PDZRN4: variants seen among roughly 807,000 people sequenced by gnomAD.
PDZRN4 encodes PDZ domain-containing RING finger protein 4.
Under a neutral mutation model 99.0 loss-of-function variants are expected in PDZRN4, and 70 were observed. The observed-to-expected ratio is 0.71, with a 90% CI of 0.58 to 0.86. PDZRN4 has a LOEUF of 0.86. Among genes scored for constraint, PDZRN4 ranks in the 40% least tolerant of loss-of-function variants. The probability of loss-of-function intolerance (pLI) is 0.00; values close to 1 mark genes in which losing one functional copy is unlikely to be tolerated. For missense variants in PDZRN4, 1,474 were observed against 1,331.2 expected, an observed-to-expected ratio of 1.11 and a Z score of -1.67; for synonymous variants, 551 against 501.6, an observed-to-expected ratio of 1.10 and a Z score of -1.32.
chr12:41,421,322 C>G (rs1238977180), intron 3 of PDZRN4, among the ~76,000 whole-genome samples: 1 of 152,078 alleles, frequency 6.6e-6, no homozygotes, highest in African/African-American at 2.4e-5. Flanking sequence ...CCTCAACTTC[C>G]TGAGTAGCCG....
chr12:41,472,642 T>C (rs563927810), intron 3 of PDZRN4, among the ~76,000 whole-genome samples: 11 of 152,346 alleles, frequency 7.2e-5, no homozygotes, highest in African/African-American at 2.6e-4. Context: ...CATCCCTTTT[T>C]ACCATGATTG....
intron 3 of PDZRN4, among the ~76,000 whole-genome samples, chr12:41,226,991 T>C (rs1176625515): frequency 1.3e-5 from 2 of 152,214 alleles, no homozygotes; most frequent in Non-Finnish European, 2.9e-5. Flanking sequence ...AGTTGCAGGA[T>C]ATCCCAAATT....
At chr12:41,429,611 G>A (rs1434238913) in intron 3 of PDZRN4, among the ~76,000 whole-genome samples, 2 of 152,058 alleles carry the variant, frequency 1.3e-5, no homozygotes, top group Non-Finnish European at 2.9e-5. Context: ...AGTAGTAGAT[G>A]CAGATTGTTT....
At chr12:41,463,111 A>C (rs1952888261) in intron 3 of PDZRN4, among the ~76,000 whole-genome samples, 1 of 152,214 alleles carries the variant, frequency 6.6e-6, no homozygotes, top group Non-Finnish European at 1.5e-5. Context: ...AAAATCACCA[A>C]ATCAGTTGTG....
chr12:41,496,678 G>T (rs1433530458), intron 3 of PDZRN4, among the ~76,000 whole-genome samples: 1 of 152,168 alleles, frequency 6.6e-6, no homozygotes, highest in Non-Finnish European at 1.5e-5. Flanking sequence ...ACAGAATGGA[G>T]CTGGGAAGTG....
intron 3 of PDZRN4, among the ~76,000 whole-genome samples, chr12:41,356,216 C>A (rs1285969730): frequency 2.6e-5 from 4 of 151,488 alleles, no homozygotes; most frequent in African/African-American, 9.7e-5. Flanking sequence ...TAAACTGCAC[C>A]CAATTGAAGA....
chr12:41,573,059 T>C lies in PDZRN4; in HGVS notation c.2280T>C (p.Leu760=), dbSNP rs756912853. 1 of 1,614,054 alleles carries C rather than the reference T, an allele frequency of 6.2e-7. No homozygotes were observed. Among genetic ancestry groups the C allele is most frequent in the South Asian group, 1.1e-5 (1 of 91,076 alleles). The change falls in exon 10 of 10, where the codon CTT becomes CTC. Residue 760 remains leucine, a synonymous_variant. Coordinates refer to ENST00000402685, the MANE Select transcript of PDZRN4 (RefSeq NM_001164595.2). ...LTVDRSPDSS[L]PRVINLTNKK... is the part of the protein sequence containing the mutation. ...TAGACCGTTCCCCTGACAGTTCCCT[T>C]CCAAGGGTGATCAACCTCACCAATA...
intron 8 of PDZRN4, among the ~76,000 whole-genome samples, chr12:41,567,481 G>A (rs944207957): frequency 6.6e-6 from 1 of 151,998 alleles, no homozygotes; most frequent in Non-Finnish European, 1.5e-5. Flanking sequence ...TGACAGCTGT[G>A]GATTATGCAG....
At chr12:41,203,963 T>G (rs1950832673) in intron 3 of PDZRN4, among the ~76,000 whole-genome samples, 1 of 152,052 alleles carries the variant, frequency 6.6e-6, no homozygotes, top group South Asian at 2.1e-4. Context: ...GGTATATACC[T>G]AACTTGAAAA....
intron 3 of PDZRN4, among the ~76,000 whole-genome samples, chr12:41,269,639 C>G (rs137871872): frequency 6.6e-6 from 1 of 152,176 alleles, no homozygotes; most frequent in African/African-American, 2.4e-5. Context: ...CCAGGCCTGG[C>G]GTCAGTTTCT....
At chr12:41,392,480 G>C (rs1487298443) in intron 3 of PDZRN4, among the ~76,000 whole-genome samples, 2 of 152,102 alleles carry the variant, frequency 1.3e-5, no homozygotes, top group Non-Finnish European at 2.9e-5. Flanking sequence ...GCTTGCCAAT[G>C]GTTCACAACT....
intron 3 of PDZRN4, among the ~76,000 whole-genome samples, chr12:41,391,849 A>T (rs1040935403): frequency 6.6e-6 from 1 of 152,176 alleles, no homozygotes; most frequent in Non-Finnish European, 1.5e-5. Flanking sequence ...TTCTAATTGA[A>T]TAAGTGTCAT....
intron 3 of PDZRN4, among the ~76,000 whole-genome samples, chr12:41,366,046 C>A (rs935828877): frequency 1.2e-4 from 18 of 152,104 alleles, no homozygotes; most frequent in African/African-American, 4.1e-4. Flanking sequence ...CTCTGAGCAG[C>A]TGCTCCCACC....
intron 3 of PDZRN4, among the ~76,000 whole-genome samples, chr12:41,295,202 T>G (rs1951483826): frequency 6.6e-6 from 1 of 152,082 alleles, no homozygotes; most frequent in African/African-American, 2.4e-5. Flanking sequence ...TCACCCTTTG[T>G]GAAGAAGTCA....
intron 3 of PDZRN4, among the ~76,000 whole-genome samples, chr12:41,457,572 T>G (rs1952826728): frequency 2.6e-5 from 4 of 152,174 alleles, no homozygotes; most frequent in Admixed American, 1.3e-4. Flanking sequence ...CAGAATAAAA[T>G]GAGGGATTAT....
At chr12:41,452,018 G>C (rs564763398) in intron 3 of PDZRN4, among the ~76,000 whole-genome samples, 1 of 152,098 alleles carries the variant, frequency 6.6e-6, no homozygotes, top group African/African-American at 2.4e-5. Context: ...TTACTAATTT[G>C]AGATGTAGAA....
rs142989987 is a variant in PDZRN4 at position 41,476,743 on chromosome 12, C to T, written c.844-29713C>T. Among the ~76,000 whole-genome samples the T allele has an allele frequency of 1.9e-3, 283 of 152,352 alleles. 1 individual carries two copies. Among genetic ancestry groups the T allele is most frequent in the Admixed American group, 2.9e-3 (45 of 15,306 alleles). ...TTGACAAGCCTGAGCACCTAACGTC[C>T]TCAAACCACCTGATAATGATGGTGG... On this transcript the variant is annotated intron_variant, in intron 3 of 9. Coordinates refer to ENST00000402685, the MANE Select transcript of PDZRN4 (RefSeq NM_001164595.2).
chr12:41,410,793 C>A (rs1372983946), intron 3 of PDZRN4, among the ~76,000 whole-genome samples: 1 of 152,138 alleles, frequency 6.6e-6, no homozygotes, highest in African/African-American at 2.4e-5. Flanking sequence ...AATGCCTTTT[C>A]TCACCGTTGG....
At chr12:41,431,119 C>G (rs763405737) in intron 3 of PDZRN4, among the ~76,000 whole-genome samples, 3 of 152,168 alleles carry the variant, frequency 2.0e-5, no homozygotes, top group Non-Finnish European at 4.4e-5. Flanking sequence ...TACAATTTGA[C>G]ATGAGATTTG....
Sources: gnomAD v4.1 joint callset for allele counts (sites outside exome capture counted in the v4.1 genomes callset) on GRCh38, gnomAD v4.1.1 for gene constraint, MANE v1.5 for transcripts, NCBI Gene and HGNC (gene_info 2026-07-23, HGNC 2026-07-21) for gene names.